Variants in SAMD3 observed in about 807,000 individuals in gnomAD.
The protein encoded by SAMD3 is sterile alpha motif domain containing 3.
SAMD3 carries 63 observed loss-of-function variants against 58.5 expected under a neutral mutation model. The observed-to-expected ratio is 1.08, with a 90% CI of 0.88 to 1.33. The LOEUF is 1.33. Ranked by LOEUF, SAMD3 falls within the 40% of genes most tolerant of loss-of-function variation. The pLI is 0.00. For missense variants in SAMD3, 604 were observed against 608.4 expected, an observed-to-expected ratio of 0.99 and a Z score of 0.08; for synonymous variants, 220 against 210.3, an observed-to-expected ratio of 1.05 and a Z score of -0.40.
chr6:130,236,944 C>T (rs1400349349), intron 2 of SAMD3, among the ~76,000 whole-genome samples: 3 of 152,132 alleles, frequency 2.0e-5, no homozygotes, highest in Non-Finnish European at 4.4e-5. Flanking sequence ...CAGCCATTTG[C>T]ATTTCATTGC....
chr6:130,251,657 A>G (rs1053323861), intron 2 of SAMD3, among the ~76,000 whole-genome samples: 7 of 152,192 alleles, frequency 4.6e-5, no homozygotes, highest in East Asian at 1.9e-4. Flanking sequence ...GGCTTAGCAT[A>G]CTTGTCCAAA....
intron 2 of SAMD3, among the ~76,000 whole-genome samples, chr6:130,245,044 A>G (rs1773495326): frequency 1.3e-5 from 2 of 152,178 alleles, no homozygotes; most frequent in Non-Finnish European, 2.9e-5. Context: ...TACATGGTGA[A>G]CTCTGTAAAA....
At chr6:130,168,998 G>A (rs566855215) in intron 8 of SAMD3, among the ~76,000 whole-genome samples, 58 of 152,050 alleles carry the variant, frequency 3.8e-4, no homozygotes, top group African/African-American at 1.4e-3. Flanking sequence ...TAAAGAGGGG[G>A]TCTCACTATG....
chr6:130,356,034 G>T (rs998059525), intron 1 of SAMD3, among the ~76,000 whole-genome samples: 8 of 152,086 alleles, frequency 5.3e-5, no homozygotes, highest in African/African-American at 1.2e-4. Flanking sequence ...ATTGCCATCA[G>T]TTTGAAAATC....
intron 1 of SAMD3, among the ~76,000 whole-genome samples, chr6:130,314,734 T>G (rs1334302665): frequency 6.6e-6 from 1 of 152,152 alleles, no homozygotes; most frequent in Non-Finnish European, 1.5e-5. Context: ...TCACTGAATC[T>G]CTCAGGAGTA....
Position 130,363,187 on chromosome 6 carries a change from T to C in SAMD3, c.-304+1933A>G, listed in dbSNP as rs369640400. ...AGCAAACAATTCTATTTTTTCCCAT[T>C]GAAGACATTTTTATTTTCTGTTTAA... On this transcript the variant is annotated intron_variant, in intron 1 of 13. Transcript: ENST00000368134. Among the ~76,000 whole-genome samples the C allele has an allele frequency of 5.3e-5, 8 of 152,316 alleles. No individual in the cohort carries two copies. In the South Asian group the frequency reaches 1.7e-3, roughly 32 times the overall value.
intron 7 of SAMD3, among the ~76,000 whole-genome samples, chr6:130,182,805 A>G (rs1792496873): frequency 6.6e-6 from 1 of 152,244 alleles, no homozygotes; most frequent in Non-Finnish European, 1.5e-5. Context: ...ACAGCAAAAA[A>G]TATCTTTTCA....
intron 1 of SAMD3, among the ~76,000 whole-genome samples, chr6:130,335,063 G>T (rs1247917988): frequency 6.6e-6 from 1 of 152,170 alleles, no homozygotes; most frequent in Non-Finnish European, 1.5e-5. Flanking sequence ...AGACCTGACA[G>T]CAGCAAAGGG....
intron 2 of SAMD3, among the ~76,000 whole-genome samples, chr6:130,239,192 TTGCAAA>T (rs1333889757): frequency 4.6e-5 from 7 of 152,168 alleles, no homozygotes; most frequent in African/African-American, 1.7e-4. Context: ...CACAGCTACC[TTGCAAA>T]TGGAGATAAA....
intron 1 of SAMD3, among the ~76,000 whole-genome samples, chr6:130,328,024 G>A (rs909653436): frequency 1.3e-5 from 2 of 152,116 alleles, no homozygotes; most frequent in Non-Finnish European, 2.9e-5. Flanking sequence ...TCTAGATATG[G>A]TCCATTCTAC....
At chr6:130,155,658 C>G (rs2114591049) in intron 8 of SAMD3, among the ~76,000 whole-genome samples, 1 of 152,236 alleles carries the variant, frequency 6.6e-6, no homozygotes, top group Non-Finnish European at 1.5e-5. Context: ...GTTAAGAGGA[C>G]AGTCAGCTGA....
At chr6:130,199,926 G>A (rs1029057217) in intron 5 of SAMD3, among the ~76,000 whole-genome samples, 2 of 152,066 alleles carry the variant, frequency 1.3e-5, no homozygotes, top group Admixed American at 1.3e-4. Flanking sequence ...TTACATGTCT[G>A]AAATGCATGT....
chr6:130,182,470 A>G (rs1170459451), intron 7 of SAMD3, among the ~76,000 whole-genome samples: 1 of 151,882 alleles, frequency 6.6e-6, no homozygotes, highest in Non-Finnish European at 1.5e-5. Context: ...CACTGAGAAA[A>G]TTCTGTGATT....
chr6:130,344,705 CAG>C (rs975495670), intron 1 of SAMD3, among the ~76,000 whole-genome samples: 12 of 151,840 alleles, frequency 7.9e-5, no homozygotes, highest in Admixed American at 3.3e-4. Context: ...TGGCTTGTAA[CAG>C]GGAATCCTTT....
intron 5 of SAMD3, among the ~76,000 whole-genome samples, chr6:130,193,981 C>T (rs932254224): frequency 6.6e-6 from 1 of 152,080 alleles, no homozygotes; most frequent in African/African-American, 2.4e-5. Context: ...TTCTCCAGAC[C>T]CATCTGACCT....
chr6:130,161,321 G>GA (rs1371659667), intron 8 of SAMD3: 1 of 152,034 alleles, frequency 6.6e-6, no homozygotes, highest in African/African-American at 2.4e-5. Context: ...TTAAAGTACA[G>GA]AAAAAATGTT....
chr6:130,186,030 G>T (rs1792931397), intron 5 of SAMD3, among the ~76,000 whole-genome samples: 1 of 152,094 alleles, frequency 6.6e-6, no homozygotes, highest in East Asian at 1.9e-4. Context: ...CTTAAAGTTA[G>T]TGACTGACCA....
At chr6:130,193,546 T>C (rs1401816637) in intron 5 of SAMD3, among the ~76,000 whole-genome samples, 1 of 152,064 alleles carries the variant, frequency 6.6e-6, no homozygotes, top group Admixed American at 6.5e-5. Context: ...CTTCCCTCTG[T>C]GTCTCTACTC....
At chr6:130,215,791 G>A in intron 2 of SAMD3, 2 of 1,534,042 alleles carry the variant, frequency 1.3e-6, no homozygotes, top group Non-Finnish European at 1.7e-6. Flanking sequence ...TAGTAGACTG[G>A]TTAACCCCTT....
Sources: gnomAD v4.1 joint callset for allele counts (sites outside exome capture counted in the v4.1 genomes callset) on GRCh38, gnomAD v4.1.1 for gene constraint, MANE v1.5 for transcripts, NCBI Gene and HGNC (gene_info 2026-07-23, HGNC 2026-07-21) for gene names.